Variants in TRIM71 observed in about 807,000 individuals in gnomAD.
TRIM71 encodes the protein E3 ubiquitin-protein ligase TRIM71.
Under a neutral mutation model 61.2 loss-of-function variants are expected in TRIM71, and 9 were observed. That is an observed-to-expected ratio of 0.15 (90% CI 0.09 to 0.26). The LOEUF (loss-of-function observed/expected upper bound fraction) is 0.26. Among genes scored for constraint, TRIM71 ranks in the 10% least tolerant of loss-of-function variants. TRIM71 has a pLI of 1.00. For missense variants in TRIM71, 998 were observed against 1,238.7 expected, an observed-to-expected ratio of 0.81 and a Z score of 2.92; for synonymous variants, 645 against 553.2, an observed-to-expected ratio of 1.17 and a Z score of -2.33.
chr3:32,876,413 G>A lies in TRIM71; in HGVS notation c.1020+2428G>A, dbSNP rs543204968. On this transcript the variant is annotated intron_variant, in intron 2 of 3. Transcript: ENST00000383763. ...AGCCTGGCCAACATGGTGAAACCCC[G>A]TCTCTACTAAAAATATAAAAATTAG... is the stretch of plus-strand genomic sequence containing the variant. Among the ~76,000 whole-genome samples the A allele has an allele frequency of 5.3e-5, 8 of 152,160 alleles. 1 individual carries two copies. In the South Asian group the frequency reaches 6.2e-4, roughly 12 times the overall value.
Position 32,891,422 on chromosome 3 carries a change from G to A in TRIM71, c.2218G>A (p.Glu740Lys), listed in dbSNP as rs373995975. 41 of 1,614,002 alleles carry A rather than the reference G, an allele frequency of 2.5e-5. No homozygotes were observed. In the Middle Eastern group the frequency reaches 6.6e-4, roughly 26 times the overall value. The part of the protein sequence containing the change: ...DGVFLNKYGF[E>K]GALWKHFDSP... ...TGTCTTCCTAAACAAGTATGGCTTCGAGGGGGCTCTCTGGAAGCACTTTGA... is the reference window on the plus strand; with the variant it reads ...TGTCTTCCTAAACAAGTATGGCTTCAAGGGGGCTCTCTGGAAGCACTTTGA... Residue 740 changes from glutamate to lysine, a missense_variant, in exon 4 of 4, where the codon GAG becomes AAG. By Grantham distance (56) the Glu-to-Lys change is moderately conservative (BLOSUM62 1). Around this residue, in one of 5 missense-constraint regions of TRIM71, gnomAD observed 83 missense variants for 202.7 expected, o/e 0.41. Coordinates refer to ENST00000383763, the MANE Select transcript of TRIM71 (RefSeq NM_001039111.3). The surrounding 1 kb of genome is among the most constrained non-coding windows in gnomAD (Gnocchi z 8.2).
intron 3 of TRIM71, among the ~76,000 whole-genome samples, chr3:32,889,499 C>CAAT (rs1696998257): frequency 1.5e-5 from 2 of 132,134 alleles, no homozygotes; most frequent in Admixed American, 1.5e-4. Context: ...AGAAAAGTTG[C>CAAT]AGTAATAGTA....
chr3:32,821,150 T>A (rs555644747), intron 1 of TRIM71, among the ~76,000 whole-genome samples: 10 of 152,284 alleles, frequency 6.6e-5, no homozygotes, highest in Non-Finnish European at 1.5e-4. Flanking sequence ...AGAATATTGT[T>A]CCTTTAAAAA....
chr3:32,881,017 GTATA>G (rs200184236), intron 2 of TRIM71, among the ~76,000 whole-genome samples: 1 of 151,004 alleles, frequency 6.6e-6, no homozygotes, highest in African/African-American at 2.4e-5. Context: ...TTTTATATAT[GTATA>G]TATATATATT....
intron 1 of TRIM71, among the ~76,000 whole-genome samples, chr3:32,842,626 C>T (rs1428991006): frequency 2.0e-5 from 3 of 152,232 alleles, no homozygotes; most frequent in South Asian, 2.1e-4. Flanking sequence ...CAGCATGTGC[C>T]TCACAGAGAA....
chr3:32,882,129 G>GT (rs750235629), intron 2 of TRIM71, among the ~76,000 whole-genome samples: 27 of 146,466 alleles, frequency 1.8e-4, no homozygotes, highest in Admixed American at 3.5e-4. Context: ...TGGTGTTTTT[G>GT]TTTTTTTATT....
chr3:32,829,945 T>TC (rs370985878), intron 1 of TRIM71, among the ~76,000 whole-genome samples: 7,472 of 141,146 alleles, frequency 0.053, 283 homozygotes, highest in South Asian at 0.11. Flanking sequence ...TTTTTTTTTT[T>TC]CGAGATGGAG....
intron 1 of TRIM71, among the ~76,000 whole-genome samples, chr3:32,856,708 T>C (rs991630249): frequency 5.3e-5 from 8 of 152,204 alleles, no homozygotes; most frequent in Non-Finnish European, 1.0e-4. Flanking sequence ...AACGTTCTTT[T>C]CAACGAGCAA....
At chr3:32,859,226 A>G (rs183886459) in intron 1 of TRIM71, among the ~76,000 whole-genome samples, 174 of 152,306 alleles carry the variant, frequency 1.1e-3, no homozygotes, top group Non-Finnish European at 5.3e-4. Flanking sequence ...TTGCAAAAAG[A>G]GGAAAAACAT....
chr3:32,854,513 T>G (rs1348680631), intron 1 of TRIM71, among the ~76,000 whole-genome samples: 2 of 152,210 alleles, frequency 1.3e-5, no homozygotes, highest in Non-Finnish European at 2.9e-5. Context: ...ATGTAATCCA[T>G]GAATGAGATT....
At position 32,896,543 on chromosome 3, in the gene TRIM71, G is replaced by A. The variant is rs1003160246; in HGVS notation, c.*4732G>A. On this transcript the variant is annotated 3_prime_UTR_variant, in exon 4 of 4. Transcript: ENST00000383763. ...CCACCTCTCTTCTGCCCTAATTTTT[G>A]GTTGTTTGGAAGAGAGGAGGGTCCT... The A allele has an allele frequency of 2.6e-5, 4 of 151,814 alleles. No homozygotes were observed. Among genetic ancestry groups the A allele is most frequent in the Non-Finnish European group, 5.9e-5 (4 of 67,964 alleles). 9.4% of individuals were successfully genotyped at this position (151,814 alleles called of 1,614,324 possible). A position where few individuals can be genotyped will look rare whatever the true frequency, so the allele number is the denominator to read the frequency against.
intron 1 of TRIM71, among the ~76,000 whole-genome samples, chr3:32,866,055 A>G (rs1275968926): frequency 6.6e-6 from 1 of 150,402 alleles, no homozygotes; most frequent in African/African-American, 2.4e-5. Context: ...CAAACTCCTG[A>G]CCTCCAGTGA....
At chr3:32,853,129 T>G (rs979459868) in intron 1 of TRIM71, among the ~76,000 whole-genome samples, 1 of 151,690 alleles carries the variant, frequency 6.6e-6, no homozygotes, top group Non-Finnish European at 1.5e-5. Context: ...TCTTTTTTTT[T>G]TTTTTTTGAG....
intron 2 of TRIM71, among the ~76,000 whole-genome samples, chr3:32,884,181 G>T (rs1696936785): frequency 6.6e-6 from 1 of 152,064 alleles, no homozygotes; most frequent in African/African-American, 2.4e-5. Flanking sequence ...AAACTCCTGA[G>T]CCCAAGTGAT....
intron 1 of TRIM71, among the ~76,000 whole-genome samples, chr3:32,839,501 A>G (rs1434562123): frequency 6.6e-6 from 1 of 152,082 alleles, no homozygotes; most frequent in Non-Finnish European, 1.5e-5. Flanking sequence ...AAGTGCTGGG[A>G]TTACAGCGTG....
Position 32,890,788 on chromosome 3 carries a change from C to T in TRIM71, c.1584C>T (p.Val528=), listed in dbSNP as rs780825193. 1.2e-6 allele frequency: 2 copies of T among 1,614,168 alleles called. No homozygotes were observed. Among genetic ancestry groups the T allele is most frequent in the South Asian group, 2.2e-5 (2 of 91,082 alleles). Residue 528 remains valine (V), a synonymous_variant, in exon 4 of 4, where the codon GTC becomes GTT. Transcript: ENST00000383763. This position sits in a 1 kb window ranked among gnomAD's most constrained non-coding sequence, Gnocchi z 6.2. ...LSGGDLMSAV[V]LGPDGNLFGA... ...GAGGCGACCTGATGTCGGCTGTGGTCCTGGGCCCTGATGGCAACCTGTTTG... is the reference window on the plus strand; with the variant it reads ...GAGGCGACCTGATGTCGGCTGTGGTTCTGGGCCCTGATGGCAACCTGTTTG...
chr3:32,884,340 G>A (rs903398562), intron 2 of TRIM71, among the ~76,000 whole-genome samples: 2 of 152,122 alleles, frequency 1.3e-5, no homozygotes, highest in African/African-American at 4.8e-5. Context: ...AAACTGTTGG[G>A]CAGGAAGAAT....
chr3:32,855,146 C>T (rs1042701560), intron 1 of TRIM71, among the ~76,000 whole-genome samples: 6 of 152,072 alleles, frequency 3.9e-5, no homozygotes, highest in Admixed American at 6.5e-5. Context: ...TGGTACTATC[C>T]GTGCTTTCAG....
intron 1 of TRIM71, among the ~76,000 whole-genome samples, chr3:32,832,875 A>G (rs1200303740): frequency 1.3e-5 from 2 of 152,038 alleles, no homozygotes; most frequent in African/African-American, 4.8e-5. Context: ...AATAGGTAAT[A>G]TAAAGAATTA....
Sources: allele counts gnomAD v4.1 joint callset (sites outside exome capture counted in the v4.1 genomes callset), GRCh38; gene constraint gnomAD v4.1.1; regional missense constraint gnomAD v4.1.1; non-coding constraint Gnocchi (gnomAD v3.1); transcripts MANE v1.5; gene names NCBI Gene and HGNC (gene_info 2026-07-23, HGNC 2026-07-21).